The following MYO9A variants were observed in gnomAD, a reference collection of about 807,000 sequenced individuals.
MYO9A encodes unconventional myosin-IXa.
Under a neutral mutation model 293.3 loss-of-function variants are expected in MYO9A, and 103 were observed. That is an observed-to-expected ratio of 0.35 (90% CI 0.30 to 0.41). The LOEUF (loss-of-function observed/expected upper bound fraction) is 0.41, where lower values mean the gene tolerates loss of function less well. Ranked by LOEUF, MYO9A falls within the 10% of genes least tolerant of loss-of-function variation. The pLI, the probability that MYO9A is intolerant of heterozygous loss-of-function variation, is 1.00. For synonymous variants in MYO9A, 1,001 were observed against 1,035.7 expected, an observed-to-expected ratio of 0.97 and a Z score of 0.64; for missense variants, 2,685 against 3,033.0, an observed-to-expected ratio of 0.89 and a Z score of 2.69.
chr15:72,003,109 A>G (rs1375481598), intron 8 of MYO9A, among the ~76,000 whole-genome samples: 1 of 151,884 alleles, frequency 6.6e-6, no homozygotes, highest in Non-Finnish European at 1.5e-5. Flanking sequence ...GTCTCTACTA[A>G]AAATACAAAA....
intron 32 of MYO9A, among the ~76,000 whole-genome samples, chr15:71,866,883 C>T (rs1280948372): frequency 6.6e-6 from 1 of 151,954 alleles, no homozygotes. Context: ...ATGGTGAAAC[C>T]CCATCTCTAC....
At chr15:71,827,757 T>C in intron 41 of MYO9A, 127 bp downstream of exon 41, 1 of 1,089,870 alleles carries the variant, frequency 9.2e-7, no homozygotes, top group Non-Finnish European at 1.3e-6. Flanking sequence ...AGGACAAAAT[T>C]CCTCAAGACT....
intron 1 of MYO9A, among the ~76,000 whole-genome samples, chr15:72,112,742 G>C (rs1567054694): frequency 6.6e-6 from 1 of 152,150 alleles, no homozygotes; most frequent in African/African-American, 2.4e-5. Flanking sequence ...ATATGTTAAA[G>C]GGTTTCCCAT....
intron 2 of MYO9A, among the ~76,000 whole-genome samples, chr15:72,038,073 C>T (rs966916687): frequency 6.6e-6 from 1 of 152,126 alleles, no homozygotes; most frequent in Non-Finnish European, 1.5e-5. Flanking sequence ...CATACCAACA[C>T]ATCCAGCTAA....
intron 1 of MYO9A, among the ~76,000 whole-genome samples, chr15:72,108,891 T>C (rs1397244912): frequency 6.6e-6 from 1 of 151,320 alleles, no homozygotes; most frequent in Non-Finnish European, 1.5e-5. Context: ...GTCTCCCGAG[T>C]AGCTGGGATT....
chr15:72,033,027 T>C (rs1295808563), intron 2 of MYO9A, among the ~76,000 whole-genome samples: 1 of 152,062 alleles, frequency 6.6e-6, no homozygotes, highest in African/African-American at 2.4e-5. Context: ...TTTTTTTGTA[T>C]TTTAGTAAAG....
chr15:71,937,288 G>T (rs1333853317), intron 16 of MYO9A, among the ~76,000 whole-genome samples: 1 of 152,074 alleles, frequency 6.6e-6, no homozygotes, highest in Admixed American at 6.6e-5. Flanking sequence ...AAACAGCATT[G>T]GATGCTACAG....
intron 2 of MYO9A, among the ~76,000 whole-genome samples, chr15:72,044,860 A>C (rs1176187792): frequency 6.6e-6 from 1 of 152,204 alleles, no homozygotes; most frequent in African/African-American, 2.4e-5. Context: ...GGGATATACA[A>C]TGACTACAGT....
At chr15:71,940,291 T>G (rs1220380901) in intron 15 of MYO9A, among the ~76,000 whole-genome samples, 1 of 152,150 alleles carries the variant, frequency 6.6e-6, no homozygotes, top group African/African-American at 2.4e-5. Flanking sequence ...GCCCGAGAGT[T>G]CAGGACAAGC....
intron 1 of MYO9A, among the ~76,000 whole-genome samples, chr15:72,054,909 G>A (rs1267806705): frequency 6.6e-6 from 1 of 150,458 alleles, no homozygotes; most frequent in Non-Finnish European, 1.5e-5. Flanking sequence ...GAAAAAAAAA[G>A]GACACTTTTA....
intron 1 of MYO9A, among the ~76,000 whole-genome samples, chr15:72,090,598 A>G (rs1190552002): frequency 5.3e-5 from 8 of 152,218 alleles, no homozygotes; most frequent in East Asian, 1.9e-4. Context: ...GGACTCTCAT[A>G]TAAGTATAGA....
At chr15:71,841,284 T>C (rs1362841404) in intron 39 of MYO9A, among the ~76,000 whole-genome samples, 1 of 152,222 alleles carries the variant, frequency 6.6e-6, no homozygotes, top group East Asian at 1.9e-4. Context: ...GGATAATGGA[T>C]AGCATTGCCT....
chr15:72,003,183 C>T (rs762766189), intron 8 of MYO9A, among the ~76,000 whole-genome samples: 2 of 149,982 alleles, frequency 1.3e-5, no homozygotes, highest in African/African-American at 4.9e-5. Context: ...GCAGGAGAAT[C>T]GCTTGAACCT....
intron 14 of MYO9A, among the ~76,000 whole-genome samples, chr15:71,956,352 A>AT: frequency 1.5e-5 from 1 of 64,914 alleles, no homozygotes; most frequent in South Asian, 4.9e-4. Context: ...TATATATATA[A>AT]AATACGCCCA....
chr15:71,880,886 A>G (rs905261152), intron 28 of MYO9A, among the ~76,000 whole-genome samples: 3 of 152,232 alleles, frequency 2.0e-5, no homozygotes, highest in Admixed American at 1.3e-4. Flanking sequence ...TCCCAAAGAA[A>G]AGAAGAGAAT....
chr15:72,022,688 C>A (rs762906746), intron 4 of MYO9A, among the ~76,000 whole-genome samples: 5 of 152,050 alleles, frequency 3.3e-5, no homozygotes, highest in Non-Finnish European at 7.4e-5. Flanking sequence ...GCTGGGACCA[C>A]AGGTGTGCAC....
chr15:71,927,405 G>T (rs2058340523), intron 18 of MYO9A, among the ~76,000 whole-genome samples: 1 of 152,064 alleles, frequency 6.6e-6, no homozygotes, highest in African/African-American at 2.4e-5. Context: ...CTGTGTTTTG[G>T]GGGTCATAGT....
intron 32 of MYO9A, among the ~76,000 whole-genome samples, chr15:71,872,668 C>A (rs891500804): frequency 6.6e-6 from 1 of 152,068 alleles, no homozygotes. Context: ...GTACACAAAG[C>A]AAAATAAGTC....
At chr15:71,956,229 G>A (rs2059173304) in intron 14 of MYO9A, among the ~76,000 whole-genome samples, 1 of 147,736 alleles carries the variant, frequency 6.8e-6, no homozygotes, top group Non-Finnish European at 1.5e-5. Context: ...AAGATAACAT[G>A]AGCCCAGGAG....
Sources: allele counts gnomAD v4.1 joint callset (sites outside exome capture counted in the v4.1 genomes callset), GRCh38; gene constraint gnomAD v4.1.1; transcripts MANE v1.5; gene names NCBI Gene and HGNC (gene_info 2026-07-23, HGNC 2026-07-21).